CHORDC1: variants seen among roughly 807,000 people sequenced by gnomAD.
The protein encoded by CHORDC1 is cysteine and histidine-rich domain-containing protein 1.
A neutral mutation model predicts 48.3 loss-of-function variants in CHORDC1; 25 were observed. The ratio of observed to expected loss-of-function variants is 0.52; its 90% CI spans 0.38 to 0.72. CHORDC1 has a LOEUF of 0.72. Among genes scored for constraint, CHORDC1 ranks in the 30% least tolerant of loss-of-function variants. The pLI is 0.00. For synonymous variants in CHORDC1, 128 were observed against 126.4 expected (o/e 1.01, Z -0.09); for missense variants, 317 against 388.7 (o/e 0.82, Z 1.55).
intron 6 of CHORDC1, among the ~76,000 whole-genome samples, chr11:90,210,285 C>T (rs1261343546): frequency 6.6e-6 from 1 of 152,134 alleles, no homozygotes; most frequent in Admixed American, 6.6e-5. Flanking sequence ...ACTATGTCTC[C>T]AGCCCATAAA....
Position 90,202,552 on chromosome 11 carries a change from C to T in CHORDC1, c.853-1G>A. ...CATAACTTCGCTTTACATCAATCAC[C>T]TGTAACATATCAAAGAGAATTACAG... is the stretch of plus-strand genomic sequence containing the variant. On this transcript the variant is annotated splice_acceptor_variant, in intron 10 of 10. Transcript: ENST00000320585. LOFTEE classifies it high-confidence loss of function. The T allele has an allele frequency of 6.2e-7, 1 of 1,612,456 alleles. No homozygotes were observed. Among genetic ancestry groups the T allele is most frequent in the South Asian group, 1.1e-5 (1 of 90,782 alleles).
rs1468633189 is a variant in CHORDC1, at chr11:90,202,863, T to C, written c.802A>G (p.Ile268Val). Residue 268 changes from isoleucine to valine, a missense_variant, in exon 10 of 11, where the codon ATT (isoleucine) becomes GTT (valine). Transcript: ENST00000320585. The stretch of plus-strand genomic sequence containing the variant: ...AATTCCTTCTCTCCTTCAAATACAA[T>C]ATGCACATTTAACTGAAAAAGATAT... ...EANSTLLNVH[I>V]VFEGEKEFDQ... is the part of the protein sequence containing the mutation. 6.2e-7 allele frequency: 1 copy of C among 1,600,752 alleles called. No homozygotes were observed. The highest frequency in any genetic ancestry group is 1.7e-5 in the Admixed American group (1 of 57,834).
At chr11:90,208,778 AT>A (rs1857775894) in intron 6 of CHORDC1, 1 of 152,170 alleles carries the variant, frequency 6.6e-6, no homozygotes. Context: ...TGAGCTACAA[AT>A]TTATATTTGT....
In CHORDC1 at chr11:90,201,178, GGAAAA is replaced by G. The variant is rs1857535904; in HGVS notation, c.*1222_*1226del. On this transcript the variant is annotated 3_prime_UTR_variant, in exon 11 of 11. Coordinates refer to ENST00000320585, the MANE Select transcript of CHORDC1 (RefSeq NM_012124.3). Reference sequence around the variant, plus strand: ...TTTGTAAGAATTCCATAAATACCAAGGAAAAGAAAAGACTCAAGGGGTTTGGGAAA... The same window carrying G: ...TTTGTAAGAATTCCATAAATACCAAGGAAAAGACTCAAGGGGTTTGGGAAA... 1 of 151,724 alleles carries G rather than the reference GGAAAA, an allele frequency of 6.6e-6. No individual in the cohort carries two copies. The highest frequency in any genetic ancestry group is 2.4e-5 in the African/African-American group (1 of 41,362). The allele number at this position is 151,724 out of a possible 1,614,324, so 9.4% of individuals were successfully genotyped here.
intron 3 of CHORDC1, among the ~76,000 whole-genome samples, chr11:90,214,419 T>C (rs888163608): frequency 1.3e-5 from 2 of 152,098 alleles, no homozygotes; most frequent in African/African-American, 4.8e-5. Flanking sequence ...ATTAAAAATA[T>C]GGCATAAACC....
intron 8 of CHORDC1, among the ~76,000 whole-genome samples, chr11:90,204,941 C>CT (rs956266874): frequency 3.3e-5 from 5 of 151,762 alleles, no homozygotes; most frequent in African/African-American, 9.7e-5. Context: ...GGAAATGATG[C>CT]TTTTTTCCCC....
chr11:90,207,035 C>T, intron 6 of CHORDC1: 1 of 305,938 alleles, frequency 3.3e-6, no homozygotes, highest in Admixed American at 4.5e-5. Flanking sequence ...TGCTATTGCC[C>T]CCACAGTCCA....
chr11:90,216,591 C>T (rs1373653380), intron 2 of CHORDC1: 1 of 428,284 alleles, frequency 2.3e-6, no homozygotes, highest in Non-Finnish European at 4.6e-6. Context: ...CCACAATAAA[C>T]ACTACAACTG....
At chr11:90,213,966 A>C in intron 4 of CHORDC1, 52 bp downstream of exon 4, 6 of 1,427,852 alleles carry the variant, frequency 4.2e-6, no homozygotes, top group Non-Finnish European at 5.8e-6. Flanking sequence ...AGTACCATGC[A>C]CAAGTGCTAC....
At chr11:90,212,323 G>A (rs572275675) in intron 4 of CHORDC1, 1 of 152,252 alleles carries the variant, frequency 6.6e-6, no homozygotes, top group African/African-American at 2.4e-5. Context: ...CTGCCACCAT[G>A]TAAAACATTC....
In CHORDC1 at chr11:90,201,383, A is replaced by T. The variant is rs570552796; in HGVS notation, c.*1022T>A. 5.3e-5 allele frequency: 8 copies of T among 152,074 alleles called. No homozygotes were observed. The South Asian group carries it at 1.7e-3, about 31-fold the overall frequency. 9.4% of individuals were successfully genotyped at this position (152,074 alleles called of 1,614,324 possible). ...ATTACCTATATTTAATATAAAGTACAATATATAGTCAACATTGTATCACTA... is the reference window on the plus strand; with the variant it reads ...ATTACCTATATTTAATATAAAGTACTATATATAGTCAACATTGTATCACTA... On this transcript the variant is annotated 3_prime_UTR_variant, in exon 11 of 11. Transcript: ENST00000320585.
rs911809208 is a variant in CHORDC1 at position 90,210,669 on chromosome 11, G to A, written c.434-75C>T. 8 of 853,434 alleles carry A rather than the reference G, an allele frequency of 9.4e-6. 1 individual carries two copies. The highest frequency in any genetic ancestry group is 9.1e-5 in the South Asian group (6 of 65,752). The allele number at this position is 853,434 out of a possible 1,614,324, so 52.9% of individuals were successfully genotyped here. ...CTGTGGCATCATTCTTAAAAACTAGGTTTTTCCAGAAAACAATACTTTTTA... is the reference window on the plus strand; with the variant it reads ...CTGTGGCATCATTCTTAAAAACTAGATTTTTCCAGAAAACAATACTTTTTA... On this transcript the variant is annotated intron_variant, in intron 5 of 10. Coordinates refer to ENST00000320585, the MANE Select transcript of CHORDC1 (RefSeq NM_012124.3).
rs139197896 is a variant in CHORDC1, at chr11:90,218,148, T to C, written c.101A>G (p.His34Arg). 11 of 1,576,544 alleles carry C rather than the reference T, an allele frequency of 7.0e-6. No individual in the cohort carries two copies. Among genetic ancestry groups the C allele is most frequent in the Non-Finnish European group, 9.4e-6 (11 of 1,167,488 alleles). Reference sequence around the variant, plus strand: ...TATAGTTCCTACCTTTAATGCATCGTGAAAGACCGGAACACCTGGGTGGTA... The same window carrying C: ...TATAGTTCCTACCTTTAATGCATCGCGAAAGACCGGAACACCTGGGTGGTA... ...CTYHPGVPVFHDALKGWSCCK... is the reference protein window; with the variant it reads ...CTYHPGVPVFRDALKGWSCCK... The change falls in exon 2 of 11, where the codon CAC becomes CGC. Residue 34 changes from histidine to arginine, a missense_variant. Transcript: ENST00000320585.
Position 90,202,229 on chromosome 11 carries a change from A to G in CHORDC1, c.*176T>C, listed in dbSNP as rs1857557508. ...TAATCAATCTTACATAACACAAAAG[A>G]AAGATGAGAGGCACAAAAAGACAAA... On this transcript the variant is annotated 3_prime_UTR_variant, in exon 11 of 11. Transcript: ENST00000320585. 1 of 605,548 alleles carries G rather than the reference A, an allele frequency of 1.7e-6. No homozygotes were observed. The allele number at this position is 605,548 out of a possible 1,614,324, so 37.5% of individuals were successfully genotyped here.
chr11:90,213,189 A>AC, intron 4 of CHORDC1: 1 of 426,166 alleles, frequency 2.3e-6, no homozygotes, highest in South Asian at 5.3e-5. Flanking sequence ...GAACAAATAA[A>AC]CATCTAAAGT....
chr11:90,221,605 T>G lies in CHORDC1; in HGVS notation c.64+1286A>C, dbSNP rs150120482. On this transcript the variant is annotated intron_variant, in intron 1 of 10. Transcript: ENST00000320585. ...TATCTGCAGACATAAGTGCAATTAA[T>G]GTTTTACATAGGCTGCCAACACCAA... Among the ~76,000 whole-genome samples the G allele has an allele frequency of 4.8e-3, 731 of 152,342 alleles. 2 individuals carry two copies. The highest frequency in any genetic ancestry group is 0.017 in the African/African-American group (708 of 41,574).
At chr11:90,213,988 G>A (rs369941546) in intron 4 of CHORDC1, 30 bp downstream of exon 4, 4 of 1,562,266 alleles carry the variant, frequency 2.6e-6, no homozygotes, top group Non-Finnish European at 2.6e-6. Context: ...ATTCAAGTGT[G>A]ACAAAAATAT....
In CHORDC1 at chr11:90,222,876, G is replaced by A; in HGVS notation, c.64+15C>T. 1 of 1,612,426 alleles carries A rather than the reference G, an allele frequency of 6.2e-7. No homozygotes were observed. The highest frequency in any genetic ancestry group is 8.5e-7 in the Non-Finnish European group (1 of 1,178,750). ...AGGTGGAGGGGAGGGAGGGCTGGCG[G>A]CGCGTTCCTCTTACCGTCGGAATTG... is the stretch of plus-strand genomic sequence containing the variant. On this transcript the variant is annotated intron_variant, in intron 1 of 10. Transcript: ENST00000320585.
intron 4 of CHORDC1, chr11:90,213,223 CT>C: frequency 2.0e-6 from 1 of 491,626 alleles, no homozygotes; most frequent in Non-Finnish European, 3.6e-6. Flanking sequence ...TATCTTGGTT[CT>C]ATATTATTCA....
Sources: allele counts gnomAD v4.1 joint callset (sites outside exome capture counted in the v4.1 genomes callset), GRCh38; gene constraint gnomAD v4.1.1; transcripts MANE v1.5; gene names NCBI Gene and HGNC (gene_info 2026-07-23, HGNC 2026-07-21).